The following VTI1A variants were observed in gnomAD, a reference collection of about 807,000 sequenced individuals.
VTI1A encodes vesicle transport through interaction with t-SNAREs 1A.
A neutral mutation model predicts 34.9 loss-of-function variants in VTI1A; 22 were observed. The ratio of observed to expected loss-of-function variants is 0.63; its 90% CI spans 0.45 to 0.90. The LOEUF is 0.90. VTI1A is among the 40% of genes least tolerant of loss of function. The pLI, the probability that VTI1A is intolerant of heterozygous loss-of-function variation, is 0.00. For synonymous variants in VTI1A, 87 were observed against 97.3 expected, an observed-to-expected ratio of 0.89 and a Z score of 0.62; for missense variants, 268 against 275.6, an observed-to-expected ratio of 0.97 and a Z score of 0.20.
intron 5 of VTI1A, among the ~76,000 whole-genome samples, chr10:112,665,468 A>G (rs988336311): frequency 2.0e-5 from 3 of 152,204 alleles, no homozygotes; most frequent in African/African-American, 7.2e-5. Context: ...ACAGTGCATG[A>G]CATTTGGGTG....
At position 112,792,984 on chromosome 10, in the gene VTI1A, T is replaced by C. The variant is rs116055026; in HGVS notation, c.561-22306T>C. Among the ~76,000 whole-genome samples the C allele has an allele frequency of 8.2e-3, 1,245 of 152,328 alleles. 13 individuals are homozygous for C. Among genetic ancestry groups the C allele is most frequent in the African/African-American group, 0.028 (1,163 of 41,570 alleles). The stretch of plus-strand genomic sequence containing the variant: ...GTCTCACTGACTCAAAAGCCTGTGA[T>C]GCACTCTTGTTCCTTGCCTCGCCTG... On this transcript the variant is annotated intron_variant, in intron 7 of 7. Transcript: ENST00000393077.
chr10:112,728,085 G>A (rs1436203453), intron 7 of VTI1A, among the ~76,000 whole-genome samples: 1 of 152,190 alleles, frequency 6.6e-6, no homozygotes, highest in Non-Finnish European at 1.5e-5. Flanking sequence ...GTCACCGGCT[G>A]TCTCACTAAC....
intron 4 of VTI1A, 106 bp from the exon 5 acceptor site, chr10:112,538,140 C>A: frequency 1.2e-6 from 1 of 868,752 alleles, no homozygotes; most frequent in Non-Finnish European, 1.8e-6. Flanking sequence ...GGTTGCGAAC[C>A]CCCCCACCCC....
chr10:112,518,953 A>G (rs1471573568), intron 3 of VTI1A, among the ~76,000 whole-genome samples: 3 of 152,000 alleles, frequency 2.0e-5, no homozygotes, highest in Admixed American at 2.0e-4. Context: ...TAACCGTCAA[A>G]ATGTTTTCAT....
the VTI1A span, among the ~76,000 whole-genome samples, chr10:112,853,548 G>A: frequency 6.6e-6 from 1 of 152,112 alleles, no homozygotes; most frequent in African/African-American, 2.4e-5. Context: ...ACCTTCAAAA[G>A]GTAATGGACT....
At chr10:112,825,130 T>C in the VTI1A span, 19 of 152,340 alleles carry the variant, frequency 1.2e-4, 1 homozygote, top group East Asian at 3.5e-3. Context: ...CTGTGTTTTG[T>C]AAGTGAAGTC....
chr10:112,508,180 A>C (rs893615942), intron 3 of VTI1A, among the ~76,000 whole-genome samples: 2 of 152,212 alleles, frequency 1.3e-5, no homozygotes, highest in African/African-American at 4.8e-5. Context: ...TCTGCCAGCA[A>C]CCAGCTTAAA....
At chr10:112,485,662 T>C (rs1848600964) in intron 3 of VTI1A, among the ~76,000 whole-genome samples, 1 of 152,246 alleles carries the variant, frequency 6.6e-6, no homozygotes, top group South Asian at 2.1e-4. Context: ...TCTTTAGATA[T>C]TGTTTGTACA....
In VTI1A at chr10:112,801,413, G is replaced by C. The variant is rs950536644; in HGVS notation, c.561-13877G>C. ...GATACTCTCTTTTTAAGACTGTCCG[G>C]AAGTTATATTGCTCTTCACAACCCT... On this transcript the variant is annotated intron_variant, in intron 7 of 7. Coordinates refer to ENST00000393077, the MANE Select transcript of VTI1A (RefSeq NM_145206.4). 5.3e-5 allele frequency among the ~76,000 whole-genome samples: 8 copies of C among 152,298 alleles called. 1 individual carries two copies. The East Asian group carries it at 1.5e-3, about 29-fold the overall frequency.
At chr10:112,581,297 G>T (rs999851836) in intron 5 of VTI1A, among the ~76,000 whole-genome samples, 9 of 152,304 alleles carry the variant, frequency 5.9e-5, no homozygotes, top group African/African-American at 2.2e-4. Flanking sequence ...AAGCCTAGGG[G>T]TGATAACTTG....
the VTI1A span, chr10:112,823,978 T>G: frequency 1.3e-5 from 2 of 152,262 alleles, no homozygotes. Flanking sequence ...TAATGGCACC[T>G]AGCAAATTGG....
At chr10:112,509,632 T>C (rs1388391147) in intron 3 of VTI1A, among the ~76,000 whole-genome samples, 1 of 152,168 alleles carries the variant, frequency 6.6e-6, no homozygotes, top group Non-Finnish European at 1.5e-5. Context: ...GGGGAGTGCC[T>C]GTCAGAGGAG....
chr10:112,742,513 G>A (rs1035207826), intron 7 of VTI1A, among the ~76,000 whole-genome samples: 5 of 152,200 alleles, frequency 3.3e-5, no homozygotes, highest in South Asian at 2.1e-4. Context: ...CTCTAGTATT[G>A]TGAAGCAGAT....
intron 1 of VTI1A, among the ~76,000 whole-genome samples, chr10:112,452,292 C>T (rs1015671896): frequency 1.1e-4 from 16 of 152,060 alleles, no homozygotes; most frequent in East Asian, 1.9e-4. Context: ...CATTTAGGGC[C>T]GGGCGCGGTG....
At chr10:112,660,779 T>G (rs1233119027) in intron 5 of VTI1A, among the ~76,000 whole-genome samples, 1 of 152,174 alleles carries the variant, frequency 6.6e-6, no homozygotes, top group Non-Finnish European at 1.5e-5. Context: ...TTTTTATCCC[T>G]AATTTGTTAC....
At position 112,490,484 on chromosome 10, in the gene VTI1A, C is replaced by T. The variant is rs182903227; in HGVS notation, c.264+25827C>T. ...TACAGATTCAGCTAATGACCCAAAT[C>T]CAGCTTGTTTGTTGTGTAGGAGTTG... On this transcript the variant is annotated intron_variant, in intron 3 of 7. Transcript: ENST00000393077. 1.7e-3 allele frequency among the ~76,000 whole-genome samples: 262 copies of T among 152,236 alleles called. 1 individual carries two copies. Among genetic ancestry groups the T allele is most frequent in the African/African-American group, 6.0e-3 (248 of 41,536 alleles).
intron 3 of VTI1A, among the ~76,000 whole-genome samples, chr10:112,468,404 G>A (rs716168): frequency 0.62 from 94,024 of 151,860 alleles, 30,436 homozygotes; most frequent in Non-Finnish European, 0.72. Context: ...GATAACTTTC[G>A]TATGCTGACA....
chr10:112,672,546 A>G (rs559577853), intron 7 of VTI1A, among the ~76,000 whole-genome samples: 1 of 152,334 alleles, frequency 6.6e-6, no homozygotes, highest in African/African-American at 2.4e-5. Context: ...GAAAATGGTC[A>G]TGAAACAAGT....
At chr10:112,558,320 T>TA (rs1345909061) in intron 5 of VTI1A, among the ~76,000 whole-genome samples, 1 of 152,104 alleles carries the variant, frequency 6.6e-6, no homozygotes, top group East Asian at 1.9e-4. Flanking sequence ...TTTAATTTTT[T>TA]TAAAAAAAAG....
Sources: allele counts gnomAD v4.1 joint callset (sites outside exome capture counted in the v4.1 genomes callset), GRCh38; gene constraint gnomAD v4.1.1; transcripts MANE v1.5; gene names NCBI Gene and HGNC (gene_info 2026-07-23, HGNC 2026-07-21).